The following ANK1 variants were observed in gnomAD, a reference collection of about 807,000 sequenced individuals.
The protein encoded by ANK1 is ankyrin 1.
ANK1 carries 51 observed loss-of-function variants against 210.4 expected under a neutral mutation model. The ratio of observed to expected loss-of-function variants is 0.24; its 90% CI spans 0.19 to 0.31. The LOEUF is 0.31. Among genes scored for constraint, ANK1 ranks in the 10% least tolerant of loss-of-function variants. ANK1 has a pLI of 1.00. For synonymous variants in ANK1, 967 were observed against 1,025.9 expected (o/e 0.94, Z 1.10); for missense variants, 2,051 against 2,504.4 (o/e 0.82, Z 3.86).
intron 2 of ANK1, among the ~76,000 whole-genome samples, chr8:41,749,393 G>T (rs1837097550): frequency 1.3e-5 from 2 of 148,630 alleles, no homozygotes. Flanking sequence ...CGCCTCCCGG[G>T]TTCAAGTGAT....
intron 20 of ANK1, among the ~76,000 whole-genome samples, chr8:41,703,448 ATATTTT>A (rs1427834590): frequency 1.7e-4 from 10 of 60,180 alleles, no homozygotes; most frequent in African/African-American, 6.9e-4. Flanking sequence ...ATATATATAT[ATATTTT>A]TTTTTTTTTT....
In ANK1 at chr8:41,708,823, C is replaced by A; in HGVS notation, c.1953G>T (p.Val651=). 6.2e-7 allele frequency: 1 copy of A among 1,614,066 alleles called. No homozygotes were observed. The highest frequency in any genetic ancestry group is 8.5e-7 in the Non-Finnish European group (1 of 1,180,054). The change falls in exon 17 of 43, where the codon GTG becomes GTT. Residue 651 remains valine (V), a synonymous_variant. Transcript: ENST00000289734. ...TGGCTTGTTTCGAGAGCAGCAGAGC[C>A]ACCATCTCTGCGTGGCCCTCCTGGG... is the stretch of plus-strand genomic sequence containing the variant. The part of the protein sequence containing the change: ...LAAQEGHAEM[V]ALLLSKQANG...
At chr8:41,822,106 GAGAGAGAGAAAGAA>G (rs1563845093) in intron 1 of ANK1, among the ~76,000 whole-genome samples, 23 of 34,356 alleles carry the variant, frequency 6.7e-4, no homozygotes, top group East Asian at 1.5e-3. Context: ...GAGAGAGAGA[GAGAGAGAGAAAGAA>G]AGAGAAAGAA....
chr8:41,784,253 ACT>A (rs765523378), intron 1 of ANK1, among the ~76,000 whole-genome samples: 17 of 151,494 alleles, frequency 1.1e-4, no homozygotes, highest in Non-Finnish European at 2.2e-4. Context: ...TCTCACCCCC[ACT>A]CTCTCTACCC....
intron 31 of ANK1, 114 bp downstream of exon 31, chr8:41,692,534 G>A: frequency 1.9e-6 from 2 of 1,055,144 alleles, no homozygotes; most frequent in Non-Finnish European, 2.9e-6. Context: ...ACAGACAGCT[G>A]TGGAGCCCCT....
chr8:41,809,697 G>T (rs1802194676), intron 1 of ANK1, among the ~76,000 whole-genome samples: 1 of 152,202 alleles, frequency 6.6e-6, no homozygotes, highest in Non-Finnish European at 1.5e-5. Flanking sequence ...GAGCCCAGGA[G>T]GTCAGGCTGT....
chr8:41,719,501 G>GC (rs1040281969), intron 10 of ANK1, among the ~76,000 whole-genome samples, 160 bp downstream of exon 10: 2 of 152,116 alleles, frequency 1.3e-5, no homozygotes, highest in Non-Finnish European at 2.9e-5. Context: ...TGCACACCAG[G>GC]CCCCCACCAT....
chr8:41,726,007 GGA>G, intron 5 of ANK1, 61 bp from the exon 6 acceptor site: 4 of 1,570,694 alleles, frequency 2.5e-6, no homozygotes, highest in Non-Finnish European at 3.5e-6. Context: ...CCTTCACACG[GGA>G]CACACCCTTG....
Position 41,696,784 on chromosome 8 carries a change from A to C in ANK1, c.2638-11T>G, listed in dbSNP as rs751808188. 23 of 1,596,456 alleles carry C rather than the reference A, an allele frequency of 1.4e-5. No homozygotes were observed. Among genetic ancestry groups the C allele is most frequent in the Middle Eastern group, 3.5e-4 (2 of 5,766 alleles). Reference sequence around the variant, plus strand: ...ATACTCTTTAGATGCCTGAGGAGAGAGAAAGGGTCCTCCTGTCCCACCTCC... The same window carrying C: ...ATACTCTTTAGATGCCTGAGGAGAGCGAAAGGGTCCTCCTGTCCCACCTCC... On this transcript the variant is annotated splice_polypyrimidine_tract_variant and intron_variant, in intron 24 of 42. Transcript: ENST00000289734.
rs779397066 is a variant in ANK1, at chr8:41,664,935, C to T, written c.5395-1193G>A. 1.1e-5 allele frequency: 18 copies of T among 1,614,154 alleles called. No individual in the cohort carries two copies. In the Middle Eastern group the frequency reaches 4.9e-4, roughly 44 times the overall value. ...CTTTAGCACAAAGCACAGGGACCCCCTGACAATGTGCATCACGTTCTGACA... is the reference window on the plus strand; with the variant it reads ...CTTTAGCACAAAGCACAGGGACCCCTTGACAATGTGCATCACGTTCTGACA... On this transcript the variant is annotated intron_variant, in intron 39 of 42. Coordinates refer to ENST00000289734, the MANE Select transcript of ANK1 (RefSeq NM_000037.4).
intron 1 of ANK1, among the ~76,000 whole-genome samples, chr8:41,867,535 A>C (rs188286407): frequency 6.6e-6 from 1 of 152,294 alleles, no homozygotes; most frequent in African/African-American, 2.4e-5. Flanking sequence ...TGACTCCCAG[A>C]GCTCAAGAGT....
At chr8:41,734,558 C>T (rs1471783896) in intron 2 of ANK1, among the ~76,000 whole-genome samples, 1 of 152,124 alleles carries the variant, frequency 6.6e-6, no homozygotes, top group Non-Finnish European at 1.5e-5. Flanking sequence ...CCACCAACCA[C>T]CCAGCTGTAA....
rs995842631 is a variant in ANK1 at position 41,715,798 on chromosome 8, C to T, written c.1456G>A (p.Val486Met). ...CAARIGHTNM[V>M]KLLLENNANP... ...GCGTTATTTTCCAGCAGGAGCTTCA[C>T]CATGTTTGTGTGGCCGATGCGAGCT... is the stretch of plus-strand genomic sequence containing the variant. Residue 486 changes from valine to methionine, a missense_variant, in exon 14 of 43, where the codon GTG (valine) becomes ATG (methionine). Transcript: ENST00000289734. The T allele has an allele frequency of 4.3e-6, 7 of 1,614,098 alleles. No individual in the cohort carries two copies. The highest frequency in any genetic ancestry group is 5.9e-6 in the Non-Finnish European group (7 of 1,180,046).
chr8:41,695,273 C>T lies in ANK1; in HGVS notation c.3019G>A (p.Val1007Met), dbSNP rs202226361. 3.8e-4 allele frequency: 612 copies of T among 1,614,090 alleles called. 5 individuals carry two copies. The highest frequency in any genetic ancestry group is 2.5e-4 in the South Asian group (23 of 91,080). ...ASHGRGDREL[V>M]VLRSENGSVW... ...GAGCCGTTTTCGCTCCTCAGAACCACGAGCTCGCGGTCTCCACGGCCATGG... is the reference window on the plus strand; with the variant it reads ...GAGCCGTTTTCGCTCCTCAGAACCATGAGCTCGCGGTCTCCACGGCCATGG... Residue 1007 changes from valine (V) to methionine (M), a missense_variant, in exon 27 of 43, where the codon GTG becomes ATG. Coordinates refer to ENST00000289734, the MANE Select transcript of ANK1 (RefSeq NM_000037.4).
chr8:41,813,116 C>G (rs1216824065), intron 1 of ANK1, among the ~76,000 whole-genome samples: 2 of 152,150 alleles, frequency 1.3e-5, no homozygotes, highest in Non-Finnish European at 2.9e-5. Context: ...GAAGGGCAGC[C>G]AGTTGAGAAA....
intron 30 of ANK1, 110 bp from the exon 31 acceptor site, chr8:41,692,986 T>G: frequency 1.3e-6 from 2 of 1,516,980 alleles, no homozygotes; most frequent in South Asian, 2.3e-5. Flanking sequence ...GCCACACCTG[T>G]GGTCACGGAG....
chr8:41,760,658 C>T (rs993610260), intron 1 of ANK1, among the ~76,000 whole-genome samples: 7 of 152,156 alleles, frequency 4.6e-5, no homozygotes, highest in Admixed American at 2.6e-4. Context: ...ACTTAGACAC[C>T]GTTGGCTTCT....
chr8:41,878,248 C>T (rs1005092332), intron 1 of ANK1, among the ~76,000 whole-genome samples: 20 of 152,278 alleles, frequency 1.3e-4, no homozygotes, highest in South Asian at 2.1e-4. Flanking sequence ...AGACAGTACC[C>T]GAAGGTTTAC....
At chr8:41,817,763 A>C (rs1166609110) in intron 1 of ANK1, among the ~76,000 whole-genome samples, 2 of 152,248 alleles carry the variant, frequency 1.3e-5, no homozygotes, top group African/African-American at 2.4e-5. Flanking sequence ...TAAACCGAAG[A>C]TATACCTAAC....
Sources: gnomAD v4.1 joint callset for allele counts (sites outside exome capture counted in the v4.1 genomes callset) on GRCh38, gnomAD v4.1.1 for gene constraint, MANE v1.5 for transcripts, NCBI Gene and HGNC (gene_info 2026-07-23, HGNC 2026-07-21) for gene names.